The following SLC2A13 variants were observed in gnomAD, a reference collection of about 807,000 sequenced individuals.
SLC2A13 encodes the protein solute carrier family 2 member 13.
In SLC2A13, 32 loss-of-function variants were observed where a neutral mutation model predicts 64.4. The ratio of observed to expected loss-of-function variants is 0.50; its 90% CI spans 0.37 to 0.67. SLC2A13 has a LOEUF of 0.67. SLC2A13 is among the 30% of genes least tolerant of loss of function. The probability of loss-of-function intolerance (pLI) is 0.00; values close to 1 mark genes in which losing one functional copy is unlikely to be tolerated. For synonymous variants in SLC2A13, 338 were observed against 327.1 expected (o/e 1.03, Z -0.36); for missense variants, 743 against 829.2 (o/e 0.90, Z 1.28).
intron 3 of SLC2A13, among the ~76,000 whole-genome samples, chr12:39,951,936 A>C (rs1445118458): frequency 6.6e-6 from 1 of 152,122 alleles, no homozygotes; most frequent in African/African-American, 2.4e-5. Flanking sequence ...AATAAAGAAA[A>C]ACAATTAATA....
intron 3 of SLC2A13, 119 bp downstream of exon 3, chr12:40,028,182 C>T: frequency 8.9e-6 from 4 of 447,858 alleles, no homozygotes; most frequent in South Asian, 9.2e-5. Flanking sequence ...TATAAATATC[C>T]ATATTTATAC....
At chr12:39,881,470 G>T (rs1369637320) in intron 4 of SLC2A13, among the ~76,000 whole-genome samples, 1 of 152,074 alleles carries the variant, frequency 6.6e-6, no homozygotes, top group Non-Finnish European at 1.5e-5. Flanking sequence ...TTCTAATCTT[G>T]TCAGACAACA....
At position 39,759,833 on chromosome 12, in the gene SLC2A13, A is replaced by T. The variant is rs557429727; in HGVS notation, c.*193T>A. The T allele has an allele frequency of 1.8e-6, 1 of 540,552 alleles. No homozygotes were observed. 33.5% of individuals were successfully genotyped at this position (540,552 alleles called of 1,614,324 possible). A position where few individuals can be genotyped will look rare whatever the true frequency, so the allele number is the denominator to read the frequency against. Reference sequence around the variant, plus strand: ...ATTAAAATCTCTGTAAATATTTTTTAAAATATTGTTCCTTGTGGAAAAAAA... The same window carrying T: ...ATTAAAATCTCTGTAAATATTTTTTTAAATATTGTTCCTTGTGGAAAAAAA... On this transcript the variant is annotated 3_prime_UTR_variant, in exon 10 of 10. Coordinates refer to ENST00000280871, the MANE Select transcript of SLC2A13 (RefSeq NM_052885.4).
intron 4 of SLC2A13, among the ~76,000 whole-genome samples, chr12:39,896,209 TATATAC>T (rs1944839993): frequency 6.7e-6 from 1 of 148,852 alleles, no homozygotes; most frequent in Non-Finnish European, 1.5e-5. Flanking sequence ...TGTATACATG[TATATAC>T]GTATACATAT....
At chr12:40,005,156 A>G (rs915721893) in intron 3 of SLC2A13, among the ~76,000 whole-genome samples, 1 of 152,206 alleles carries the variant, frequency 6.6e-6, no homozygotes, top group African/African-American at 2.4e-5. Context: ...AGGGGTGAAA[A>G]CATTAAACTT....
intron 4 of SLC2A13, among the ~76,000 whole-genome samples, chr12:39,893,605 G>T (rs551763680): frequency 6.6e-6 from 1 of 152,078 alleles, no homozygotes; most frequent in Non-Finnish European, 1.5e-5. Flanking sequence ...CAGGCCTACC[G>T]CTCTTTTCTA....
chr12:39,910,671 G>A (rs1331907576), intron 4 of SLC2A13, among the ~76,000 whole-genome samples: 1 of 152,192 alleles, frequency 6.6e-6, no homozygotes, highest in East Asian at 1.9e-4. Flanking sequence ...GATTCACTAA[G>A]ACTTTCTGAT....
intron 1 of SLC2A13, among the ~76,000 whole-genome samples, chr12:40,102,178 A>G (rs1437452032): frequency 1.3e-5 from 2 of 152,132 alleles, no homozygotes; most frequent in Non-Finnish European, 2.9e-5. Context: ...TTGCTTGTTT[A>G]TGTATCTTTC....
In SLC2A13 at chr12:39,758,955, T is replaced by G. The variant is rs1940043062; in HGVS notation, c.*1071A>C. On this transcript the variant is annotated 3_prime_UTR_variant, in exon 10 of 10. Transcript: ENST00000280871. ...AGTTAAGAAAAAAGTCCCATTATTTTTATTAAACAAACACCAATAACAGCA... is the reference window on the plus strand; with the variant it reads ...AGTTAAGAAAAAAGTCCCATTATTTGTATTAAACAAACACCAATAACAGCA... The G allele has an allele frequency of 6.6e-6, 1 of 152,330 alleles. No homozygotes were observed. The allele number at this position is 152,330 out of a possible 1,614,324, so 9.4% of individuals were successfully genotyped here.
At chr12:39,858,314 G>A (rs996240043) in intron 6 of SLC2A13, among the ~76,000 whole-genome samples, 15 of 152,054 alleles carry the variant, frequency 9.9e-5, no homozygotes, top group African/African-American at 3.6e-4. Context: ...TATCTCCAAT[G>A]GGTCTGTAGA....
intron 7 of SLC2A13, among the ~76,000 whole-genome samples, chr12:39,806,236 C>CT (rs1210359658): frequency 2.6e-5 from 4 of 152,100 alleles, no homozygotes; most frequent in Non-Finnish European, 4.4e-5. Context: ...ACCTCTAATG[C>CT]TGAAAGATCA....
Position 39,864,901 on chromosome 12 carries a change from T to G in SLC2A13, c.1199-19A>C. On this transcript the variant is annotated intron_variant, in intron 5 of 9. Transcript: ENST00000280871. ...GTGGTACCTTAAAAAAAAAAAGTTT[T>G]ATATTAGAGAAGAGTTGACAATATT... 2 of 1,600,846 alleles carry G rather than the reference T, an allele frequency of 1.2e-6. No individual in the cohort carries two copies. The highest frequency in any genetic ancestry group is 1.7e-6 in the Non-Finnish European group (2 of 1,174,932).
chr12:39,922,118 C>G (rs1945624573), intron 4 of SLC2A13, among the ~76,000 whole-genome samples: 1 of 152,008 alleles, frequency 6.6e-6, no homozygotes, highest in African/African-American at 2.4e-5. Flanking sequence ...TGTACAAACA[C>G]TTAAAAAAAC....
rs745643692 is a variant in SLC2A13 at position 39,951,289 on chromosome 12, C to G, written c.1002G>C (p.Met334Ile). ...TGTTAATGCCTGAGAGCTGCTGGAA[C>G]ATTTGTAGGCCACAACCCACAATTA... ...RALIVGCGLQ[M>I]FQQLSGINTI... Residue 334 changes from methionine (M) to isoleucine (I), a missense_variant, in exon 4 of 10, where the codon ATG (methionine) becomes ATC (isoleucine). This residue lies in a region of SLC2A13 where 295 missense variants were observed against 381.7 expected (regional missense o/e 0.77). Coordinates refer to ENST00000280871, the MANE Select transcript of SLC2A13 (RefSeq NM_052885.4). The G allele has an allele frequency of 1.2e-6, 2 of 1,613,452 alleles. No individual in the cohort carries two copies. Among genetic ancestry groups the G allele is most frequent in the Non-Finnish European group, 1.7e-6 (2 of 1,179,690 alleles).
chr12:40,026,665 T>C (rs1947813597), intron 3 of SLC2A13, among the ~76,000 whole-genome samples: 1 of 152,350 alleles, frequency 6.6e-6, no homozygotes, highest in Non-Finnish European at 1.5e-5. Context: ...TTATCCTTTA[T>C]ATAAATTAAG....
chr12:39,951,330 G>C lies in SLC2A13; in HGVS notation c.961C>G (p.Pro321Ala), dbSNP rs1378267915. 4 of 1,611,022 alleles carry C rather than the reference G, an allele frequency of 2.5e-6. No homozygotes were observed. Among genetic ancestry groups the C allele is most frequent in the Non-Finnish European group, 3.4e-6 (4 of 1,178,416 alleles). ...PVICRMLSYP[P>A]TRRALIVGCG... is the part of the protein sequence containing the mutation. ...CCCACAATTAAAGCTCGGCGAGTTG[G>C]GGGATAACTCAGCATTCTGCAGATC... is the stretch of plus-strand genomic sequence containing the variant. The change falls in exon 4 of 10, where the codon CCA becomes GCA. Residue 321 changes from proline (P) to alanine (A), a missense_variant. Physicochemically the swap from Pro to Ala is conservative, Grantham distance 27. Coordinates refer to ENST00000280871, the MANE Select transcript of SLC2A13 (RefSeq NM_052885.4).
At chr12:39,968,226 A>C (rs1946560033) in intron 3 of SLC2A13, among the ~76,000 whole-genome samples, 1 of 152,162 alleles carries the variant, frequency 6.6e-6, no homozygotes, top group East Asian at 1.9e-4. Context: ...GGTGGCAGCA[A>C]GGAGATATGC....
chr12:39,984,661 A>G (rs560013266), intron 3 of SLC2A13, among the ~76,000 whole-genome samples: 28 of 152,314 alleles, frequency 1.8e-4, no homozygotes, highest in African/African-American at 5.5e-4. Flanking sequence ...AAAAAAATCA[A>G]AGCCATTTAC....
At chr12:40,024,774 A>C (rs1429084844) in intron 3 of SLC2A13, among the ~76,000 whole-genome samples, 1 of 152,180 alleles carries the variant, frequency 6.6e-6, no homozygotes, top group Admixed American at 6.5e-5. Context: ...TTTAGAAATA[A>C]AGAGGAGGCA....
Sources: allele counts gnomAD v4.1 joint callset (sites outside exome capture counted in the v4.1 genomes callset), GRCh38; gene constraint gnomAD v4.1.1; regional missense constraint gnomAD v4.1.1; transcripts MANE v1.5; gene names NCBI Gene and HGNC (gene_info 2026-07-23, HGNC 2026-07-21).